The following RUNX1 variants were observed in gnomAD, a reference collection of about 807,000 sequenced individuals.
RUNX1 encodes runt-related transcription factor 1.
RUNX1 carries 19 observed loss-of-function variants against 42.8 expected under a neutral mutation model. The ratio of observed to expected loss-of-function variants is 0.44; its 90% CI spans 0.31 to 0.65. The LOEUF (loss-of-function observed/expected upper bound fraction) is 0.65, where lower values mean the gene tolerates loss of function less well. RUNX1 is among the 30% of genes least tolerant of loss of function. The pLI is 0.07. For missense variants in RUNX1, 528 were observed against 672.0 expected, an observed-to-expected ratio of 0.79 and a Z score of 2.37; for synonymous variants, 271 against 289.4, an observed-to-expected ratio of 0.94 and a Z score of 0.64.
chr21:34,820,185 G>C (rs1002420633), intron 7 of RUNX1, among the ~76,000 whole-genome samples: 4 of 152,184 alleles, frequency 2.6e-5, no homozygotes, highest in Non-Finnish European at 5.9e-5. Context: ...CTGGGGTGCC[G>C]GCTGGGGCTG....
At chr21:34,887,731 A>G (rs2058019652) in intron 3 of RUNX1, 1 of 1,060,110 alleles carries the variant, frequency 9.4e-7, no homozygotes, top group South Asian at 4.5e-5. Context: ...ACTTCATAAA[A>G]TATTTACAAT....
chr21:35,019,421 C>T (rs2059182454), intron 2 of RUNX1, among the ~76,000 whole-genome samples: 2 of 152,198 alleles, frequency 1.3e-5, no homozygotes, highest in South Asian at 4.1e-4. Context: ...CTTCTGTCCT[C>T]AAACTGCTGG....
chr21:34,952,790 G>A (rs1314569530), intron 2 of RUNX1, among the ~76,000 whole-genome samples: 1 of 152,122 alleles, frequency 6.6e-6, no homozygotes, highest in Non-Finnish European at 1.5e-5. Context: ...AACATACTGG[G>A]TACTGGTGTT....
intron 2 of RUNX1, among the ~76,000 whole-genome samples, chr21:34,908,010 C>A (rs1373404951): frequency 3.3e-5 from 5 of 152,122 alleles, no homozygotes; most frequent in African/African-American, 7.2e-5. Context: ...AATTTGTGGT[C>A]CACCCCCATG....
chr21:34,996,888 A>T (rs2146856686), intron 2 of RUNX1, among the ~76,000 whole-genome samples: 1 of 152,324 alleles, frequency 6.6e-6, no homozygotes, highest in African/African-American at 2.4e-5. Flanking sequence ...AAGAGTTTAG[A>T]TCTTGAGCAA....
At chr21:35,001,882 T>A (rs2059047117) in intron 2 of RUNX1, among the ~76,000 whole-genome samples, 1 of 152,126 alleles carries the variant, frequency 6.6e-6, no homozygotes, top group Admixed American at 6.6e-5. Flanking sequence ...TGAAAACAAT[T>A]TCATTCAAAA....
intron 4 of RUNX1, among the ~76,000 whole-genome samples, chr21:34,880,983 T>C (rs146358764): frequency 9.3e-4 from 141 of 152,354 alleles, no homozygotes; most frequent in African/African-American, 3.3e-3. Context: ...ACCAACCTAA[T>C]ACATTATGTA....
chr21:34,968,856 C>T (rs1433538072), intron 2 of RUNX1, among the ~76,000 whole-genome samples: 4 of 152,100 alleles, frequency 2.6e-5, no homozygotes, highest in Non-Finnish European at 4.4e-5. Context: ...AACTCTGCAG[C>T]GAGTGCCAAA....
chr21:34,792,556 G>T lies in RUNX1; in HGVS notation c.1022C>A (p.Ser341Tyr). 1 of 1,607,202 alleles carries T rather than the reference G, an allele frequency of 6.2e-7. No homozygotes were observed. Residue 341 changes from serine to tyrosine, a missense_variant, in exon 9 of 9, where the codon TCC (serine) becomes TAC (tyrosine). By Grantham distance (144) the Ser-to-Tyr change is moderately radical (BLOSUM62 -2). This residue lies in a region of RUNX1 where 331 missense variants were observed against 382.5 expected (regional missense o/e 0.87). Coordinates refer to ENST00000675419, the MANE Select transcript of RUNX1 (RefSeq NM_001754.5). This position sits in a 1 kb window ranked among gnomAD's most constrained non-coding sequence, Gnocchi z 6.9. ...ATAGTGCATGCGGGGGTCGGAGATG[G>T]AGGGCAGCGCGGGGAACTGGCGCGG... ...SDPRQFPALP[S>Y]ISDPRMHYPG...
intron 2 of RUNX1, among the ~76,000 whole-genome samples, chr21:34,909,058 C>G (rs536771732): frequency 6.6e-6 from 1 of 152,114 alleles, no homozygotes; most frequent in East Asian, 1.9e-4. Flanking sequence ...TAGTTTTGCA[C>G]AAATTAAACC....
chr21:34,886,256 C>T (rs2850047), intron 4 of RUNX1, among the ~76,000 whole-genome samples: 1 of 152,316 alleles, frequency 6.6e-6, no homozygotes, highest in Admixed American at 6.5e-5. Flanking sequence ...GGCTAAAAAG[C>T]TCAGAGAACT....
chr21:34,938,731 T>G (rs1347684129), intron 2 of RUNX1, among the ~76,000 whole-genome samples: 1 of 152,212 alleles, frequency 6.6e-6, no homozygotes, highest in Non-Finnish European at 1.5e-5. Context: ...CAGATAACAT[T>G]CTGTTTCTTC....
intron 6 of RUNX1, among the ~76,000 whole-genome samples, chr21:34,854,780 C>T (rs1443177484): frequency 1.3e-5 from 2 of 152,098 alleles, no homozygotes; most frequent in South Asian, 4.2e-4. Context: ...GCAGAGGCAA[C>T]GCTGCCTCCA....
chr21:34,946,761 A>G lies in RUNX1; in HGVS notation c.59-53798T>C, dbSNP rs373670633. On this transcript the variant is annotated intron_variant, in intron 2 of 8. Transcript: ENST00000675419. ...TACAGACATGGATGGGGTGGCAGTC[A>G]TAAGTGAGTTTGGGCTGTGACATTT... Among the ~76,000 whole-genome samples, 44 of 152,298 alleles carry G rather than the reference A, an allele frequency of 2.9e-4. No homozygotes were observed. In the South Asian group the frequency reaches 6.4e-3, roughly 22 times the overall value.
At position 35,007,453 on chromosome 21, in the gene RUNX1, G is replaced by A. The variant is rs192952332; in HGVS notation, c.58+41389C>T. Among the ~76,000 whole-genome samples the A allele has an allele frequency of 1.3e-3, 196 of 152,242 alleles. 1 individual carries two copies. In the South Asian group the frequency reaches 0.016, roughly 13 times the overall value. On this transcript the variant is annotated intron_variant, in intron 2 of 8. Coordinates refer to ENST00000675419, the MANE Select transcript of RUNX1 (RefSeq NM_001754.5). ...GTTGGGTCTCCATCCCTGCATCCCT[G>A]CAGTTAGCCCTGCTCTCTAGGTGAC...
At chr21:34,994,700 G>A (rs1175928818) in intron 2 of RUNX1, among the ~76,000 whole-genome samples, 1 of 152,086 alleles carries the variant, frequency 6.6e-6, no homozygotes. Flanking sequence ...ATAAATAAAC[G>A]AAATGATCTA....
At chr21:34,941,865 A>G (rs2058529659) in intron 2 of RUNX1, among the ~76,000 whole-genome samples, 1 of 147,436 alleles carries the variant, frequency 6.8e-6, no homozygotes, top group South Asian at 2.1e-4. Context: ...AGATTCTTTA[A>G]TGAGAGACAT....
At position 34,813,279 on chromosome 21, in the gene RUNX1, A is replaced by C. The variant is rs1008792213; in HGVS notation, c.806-13817T>G. 2.2e-4 allele frequency among the ~76,000 whole-genome samples: 34 copies of C among 152,256 alleles called. 1 individual carries two copies. The highest frequency in any genetic ancestry group is 1.9e-3 in the Admixed American group (29 of 15,304). On this transcript the variant is annotated intron_variant, in intron 7 of 8. Transcript: ENST00000675419. ...CTGCCCACAAGATCAAGCGTGCCCT[A>C]AAGTGTCAAAGAAAACCTTGCTCAG...
At chr21:34,892,538 A>G (rs1409690034) in intron 3 of RUNX1, among the ~76,000 whole-genome samples, 1 of 152,238 alleles carries the variant, frequency 6.6e-6, no homozygotes, top group Non-Finnish European at 1.5e-5. Flanking sequence ...TTTAAAATTT[A>G]GGAATGCTTA....
Sources: allele counts gnomAD v4.1 joint callset (sites outside exome capture counted in the v4.1 genomes callset), GRCh38; gene constraint gnomAD v4.1.1; regional missense constraint gnomAD v4.1.1; non-coding constraint Gnocchi (gnomAD v3.1); transcripts MANE v1.5; gene names NCBI Gene and HGNC (gene_info 2026-07-23, HGNC 2026-07-21).